SHQ1: variants seen among roughly 807,000 people sequenced by gnomAD.
The protein encoded by SHQ1 is protein SHQ1 homolog.
SHQ1 carries 49 observed loss-of-function variants against 53.8 expected under a neutral mutation model. The observed-to-expected ratio is 0.91, with a 90% CI of 0.72 to 1.16. The LOEUF (loss-of-function observed/expected upper bound fraction) is 1.16, where lower values mean the gene tolerates loss of function less well. Among genes scored for constraint, SHQ1 ranks in the 50% most tolerant of loss-of-function variants. The pLI is 0.00. For missense variants in SHQ1, 738 were observed against 683.1 expected (o/e 1.08, Z -0.90); for synonymous variants, 243 against 251.0 (o/e 0.97, Z 0.30).
At chr3:72,808,793 C>G (rs761357527) in intron 9 of SHQ1, among the ~76,000 whole-genome samples, 5 of 152,084 alleles carry the variant, frequency 3.3e-5, no homozygotes, top group Non-Finnish European at 7.4e-5. Context: ...TGACTCTTTT[C>G]TAATGAGGCT....
In SHQ1 at chr3:72,848,269, G is replaced by A. The variant is rs778215059; in HGVS notation, c.72C>T (p.Ala24=). 7 of 1,614,196 alleles carry A rather than the reference G, an allele frequency of 4.3e-6. No individual in the cohort carries two copies. In the East Asian group the frequency reaches 1.3e-4, roughly 31 times the overall value. ...AGTAGACGTCGAACTCGGAGACCCG[G>A]GCGTAGGGCACGCGGATGGCGATAG... ...FLTIAIRVPY[A]RVSEFDVYFE... Residue 24 remains alanine (A), a synonymous_variant, in exon 1 of 11, where the codon GCC becomes GCT. Transcript: ENST00000325599.
At position 72,801,704 on chromosome 3, in the gene SHQ1, GA is replaced by G. The variant is rs760617484; in HGVS notation, c.1061-8669del. Reference sequence around the variant, plus strand: ...AAATGGTCTGCACACTGGTAGAACTGAGCTATGCTTCTTTATATTTTAATCA... The same window carrying G: ...AAATGGTCTGCACACTGGTAGAACTGGCTATGCTTCTTTATATTTTAATCA... On this transcript the variant is annotated intron_variant, in intron 9 of 10. Coordinates refer to ENST00000325599, the MANE Select transcript of SHQ1 (RefSeq NM_018130.3). Among the ~76,000 whole-genome samples the G allele has an allele frequency of 1.1e-4, 16 of 152,274 alleles. No individual in the cohort carries two copies. In the East Asian group the frequency reaches 2.3e-3, roughly 22 times the overall value.
downstream of SHQ1, among the ~76,000 whole-genome samples, chr3:72,745,841 CT>C (rs112536732): frequency 0.091 from 13,065 of 143,848 alleles, 1,611 homozygotes; most frequent in African/African-American, 0.29. Context: ...TCATCTATTC[CT>C]TTTTTTTTTT....
intron 6 of SHQ1, among the ~76,000 whole-genome samples, chr3:72,822,466 T>C (rs1473173067): frequency 6.6e-6 from 1 of 152,144 alleles, no homozygotes. Flanking sequence ...AAAACTGGAC[T>C]GAGAACAAGC....
At chr3:72,762,376 C>T (rs977112318) in intron 10 of SHQ1, among the ~76,000 whole-genome samples, 6 of 152,136 alleles carry the variant, frequency 3.9e-5, no homozygotes, top group South Asian at 2.1e-4. Context: ...ATGCAGTTCA[C>T]CCCAGCTTTG....
chr3:72,826,239 C>T (rs1318093537), intron 5 of SHQ1, among the ~76,000 whole-genome samples: 1 of 152,182 alleles, frequency 6.6e-6, no homozygotes, highest in Admixed American at 6.5e-5. Context: ...GGTGCACAGA[C>T]ATATGAGACA....
At chr3:72,727,020 AG>A in the SHQ1 span, among the ~76,000 whole-genome samples, 3 of 152,196 alleles carry the variant, frequency 2.0e-5, no homozygotes, top group Non-Finnish European at 4.4e-5. Flanking sequence ...TTAGTGCTGG[AG>A]GTTTCTGATT....
At chr3:72,799,948 G>C (rs1424122678) in intron 9 of SHQ1, among the ~76,000 whole-genome samples, 1 of 151,976 alleles carries the variant, frequency 6.6e-6, no homozygotes, top group African/African-American at 2.4e-5. Context: ...CTGGTTTAAG[G>C]TTCCCTCATA....
chr3:72,780,877 T>C (rs1706056791), intron 10 of SHQ1, among the ~76,000 whole-genome samples: 1 of 152,162 alleles, frequency 6.6e-6, no homozygotes, highest in South Asian at 2.1e-4. Context: ...ATTCCATCAC[T>C]TGATGTGCTA....
At chr3:72,767,353 C>A (rs1705751531) in intron 10 of SHQ1, among the ~76,000 whole-genome samples, 1 of 152,174 alleles carries the variant, frequency 6.6e-6, no homozygotes, top group Non-Finnish European at 1.5e-5. Flanking sequence ...GAAGCAGGGA[C>A]ACCATCTGGG....
chr3:72,836,347 G>C (rs62249868), intron 4 of SHQ1, among the ~76,000 whole-genome samples: 32,697 of 152,036 alleles, frequency 0.22, 3,744 homozygotes, highest in Non-Finnish European at 0.25. Flanking sequence ...AAATTAGCCG[G>C]GTGTGGTGGC....
At chr3:72,827,020 G>A (rs138545723) in intron 5 of SHQ1, among the ~76,000 whole-genome samples, 1 of 152,328 alleles carries the variant, frequency 6.6e-6, no homozygotes, top group African/African-American at 2.4e-5. Flanking sequence ...TAGGATAAGA[G>A]AGTGGCAGTG....
intron 8 of SHQ1, among the ~76,000 whole-genome samples, chr3:72,814,328 A>G (rs1454176708): frequency 1.3e-5 from 2 of 152,224 alleles, no homozygotes; most frequent in African/African-American, 2.4e-5. Flanking sequence ...AGGAACTCCA[A>G]TGAAGCCTAG....
intron 8 of SHQ1, chr3:72,814,454 C>T (rs1559685368): frequency 6.6e-6 from 1 of 152,202 alleles, no homozygotes; most frequent in Admixed American, 6.5e-5. Context: ...TTCTAATGAG[C>T]TCCCAGCTGA....
chr3:72,836,977 A>C (rs528021419), intron 4 of SHQ1, among the ~76,000 whole-genome samples: 3 of 152,318 alleles, frequency 2.0e-5, no homozygotes, highest in Non-Finnish European at 4.4e-5. Context: ...GGTATCCCGG[A>C]AACAATGGCC....
chr3:72,843,134 C>T (rs1708227349), intron 2 of SHQ1, among the ~76,000 whole-genome samples: 1 of 150,780 alleles, frequency 6.6e-6, no homozygotes, highest in African/African-American at 2.4e-5. Context: ...TAGTCTTATA[C>T]AGTATGACCT....
At chr3:72,770,173 A>C (rs570904769) in intron 10 of SHQ1, among the ~76,000 whole-genome samples, 1 of 152,194 alleles carries the variant, frequency 6.6e-6, no homozygotes, top group South Asian at 2.1e-4. Context: ...TTGACCACTT[A>C]CTCTGTGTTA....
intron 9 of SHQ1, among the ~76,000 whole-genome samples, chr3:72,797,402 C>A (rs1706658727): frequency 6.6e-6 from 1 of 152,118 alleles, no homozygotes; most frequent in South Asian, 2.1e-4. Context: ...TGTGGGAGTA[C>A]AGTTGTTTAT....
chr3:72,748,662 G>A (rs1705304332), downstream of SHQ1, among the ~76,000 whole-genome samples: 1 of 152,120 alleles, frequency 6.6e-6, no homozygotes, highest in Non-Finnish European at 1.5e-5. Flanking sequence ...CTGCATGCCA[G>A]CCTGGGTGAC....
Sources: allele counts gnomAD v4.1 joint callset (sites outside exome capture counted in the v4.1 genomes callset), GRCh38; gene constraint gnomAD v4.1.1; transcripts MANE v1.5; gene names NCBI Gene and HGNC (gene_info 2026-07-23, HGNC 2026-07-21).